CTNNA3: variants seen among roughly 807,000 people sequenced by gnomAD.
CTNNA3 encodes the protein catenin alpha 3.
In CTNNA3, 76 loss-of-function variants were observed where a neutral mutation model predicts 95.7. The ratio of observed to expected loss-of-function variants is 0.79; its 90% confidence interval spans 0.66 to 0.96. CTNNA3 has a LOEUF of 0.96. CTNNA3 is among the 40% of genes least tolerant of loss of function. The pLI, the probability that CTNNA3 is intolerant of heterozygous loss-of-function variation, is 0.00. For missense variants in CTNNA3, 1,191 were observed against 1,089.8 expected (o/e 1.09, Z -1.31); for synonymous variants, 431 against 374.4 (o/e 1.15, Z -1.74).
At chr10:66,983,697 A>C (rs1483072621) in intron 7 of CTNNA3, among the ~76,000 whole-genome samples, 3 of 152,194 alleles carry the variant, frequency 2.0e-5, no homozygotes, top group African/African-American at 7.2e-5. Context: ...AGGCATAGAT[A>C]GTTTAGTCTT....
At chr10:66,655,278 T>A (rs1846036717) in intron 9 of CTNNA3, among the ~76,000 whole-genome samples, 1 of 152,060 alleles carries the variant, frequency 6.6e-6, no homozygotes, top group African/African-American at 2.4e-5. Flanking sequence ...TTTAAAGATA[T>A]TTGCACAATT....
At chr10:67,005,682 C>CTTTTTTTTTTTTTTTTTG (rs1851928857) in intron 7 of CTNNA3, among the ~76,000 whole-genome samples, 1 of 61,976 alleles carries the variant, frequency 1.6e-5, no homozygotes, top group African/African-American at 5.4e-5. Flanking sequence ...TTTACTCCAT[C>CTTTTTTTTTTTTTTTTTG]TTTTTTTTTT....
chr10:67,145,749 G>T (rs1222687017), intron 7 of CTNNA3, among the ~76,000 whole-genome samples: 1 of 151,822 alleles, frequency 6.6e-6, no homozygotes, highest in African/African-American at 2.4e-5. Context: ...TTTTCATACG[G>T]TATCTATTAT....
At chr10:66,840,266 C>T (rs1229548643) in intron 7 of CTNNA3, among the ~76,000 whole-genome samples, 8 of 151,152 alleles carry the variant, frequency 5.3e-5, no homozygotes, top group Admixed American at 2.6e-4. Flanking sequence ...GTCAGGCAGA[C>T]TCTGGCTTAC....
intron 10 of CTNNA3, among the ~76,000 whole-genome samples, chr10:66,568,841 C>A (rs1228969810): frequency 2.6e-5 from 4 of 151,788 alleles, no homozygotes; most frequent in Non-Finnish European, 5.9e-5. Flanking sequence ...ATACATGGGG[C>A]AGAATGACAA....
chr10:66,304,466 AGAAAGAGAAAAAGAG>A (rs879652189), intron 12 of CTNNA3, among the ~76,000 whole-genome samples: 38 of 152,154 alleles, frequency 2.5e-4, no homozygotes, highest in Non-Finnish European at 4.3e-4. Flanking sequence ...ACATAACAGA[AGAAAGAGAAAAAGAG>A]GAAAGAGAAA....
chr10:67,207,709 A>C (rs549961299), intron 6 of CTNNA3, among the ~76,000 whole-genome samples: 14 of 152,332 alleles, frequency 9.2e-5, no homozygotes, highest in Middle Eastern at 3.4e-3. Context: ...CTAGAATCAG[A>C]ACCTTACAAT....
At chr10:67,133,284 C>T (rs984702940) in intron 7 of CTNNA3, among the ~76,000 whole-genome samples, 1 of 116,272 alleles carries the variant, frequency 8.6e-6, no homozygotes, top group Admixed American at 9.3e-5. Context: ...TGTTCTATAG[C>T]CTTAGCTAGA....
intron 9 of CTNNA3, among the ~76,000 whole-genome samples, chr10:66,721,176 C>A (rs370857370): frequency 6.6e-6 from 1 of 152,050 alleles, no homozygotes. Context: ...GATTTCCTCA[C>A]GGAAAGAGAC....
chr10:66,218,411 C>G (rs757154304), intron 13 of CTNNA3, among the ~76,000 whole-genome samples: 20 of 152,108 alleles, frequency 1.3e-4, no homozygotes, highest in Non-Finnish European at 2.6e-4. Flanking sequence ...CTCTCTTTCT[C>G]TCTGTCTGTC....
chr10:66,291,138 T>A (rs796863847), intron 12 of CTNNA3, among the ~76,000 whole-genome samples: 1 of 152,274 alleles, frequency 6.6e-6, no homozygotes, highest in South Asian at 2.1e-4. Flanking sequence ...GTGTGGTATG[T>A]TGAGGCTTGA....
intron 2 of CTNNA3, among the ~76,000 whole-genome samples, chr10:67,640,090 T>C (rs1811528854): frequency 6.6e-6 from 1 of 152,210 alleles, no homozygotes; most frequent in Non-Finnish European, 1.5e-5. Flanking sequence ...GGCATGATTG[T>C]ATATCTAGAA....
chr10:67,647,360 A>G (rs1016408399), intron 2 of CTNNA3, 55 bp downstream of exon 2: 55 of 1,218,518 alleles, frequency 4.5e-5, no homozygotes, highest in Non-Finnish European at 6.0e-5. Flanking sequence ...TTTTTCCCAC[A>G]TATTTTTCAT....
chr10:67,468,377 T>C (rs1429252439), intron 5 of CTNNA3, among the ~76,000 whole-genome samples: 3 of 150,996 alleles, frequency 2.0e-5, no homozygotes, highest in African/African-American at 7.3e-5. Flanking sequence ...AAAAAAAAAA[T>C]GGAAAAGAAA....
At chr10:66,584,576 C>T (rs1159856749) in intron 10 of CTNNA3, among the ~76,000 whole-genome samples, 1 of 151,808 alleles carries the variant, frequency 6.6e-6, no homozygotes, top group East Asian at 1.9e-4. Flanking sequence ...AGAATCTTTA[C>T]ATGTGAGGTA....
intron 5 of CTNNA3, among the ~76,000 whole-genome samples, chr10:67,380,360 T>C (rs1251333630): frequency 6.6e-6 from 1 of 152,222 alleles, no homozygotes; most frequent in East Asian, 1.9e-4. Context: ...TAAAACCTTT[T>C]CATGAAAGAT....
chr10:67,528,416 T>A (rs1840214443), intron 4 of CTNNA3, among the ~76,000 whole-genome samples: 1 of 152,188 alleles, frequency 6.6e-6, no homozygotes, highest in African/African-American at 2.4e-5. Flanking sequence ...ATTAGGTCTA[T>A]GCCTACCTCT....
chr10:66,272,504 C>A (rs2091303656), intron 13 of CTNNA3, among the ~76,000 whole-genome samples: 1 of 152,038 alleles, frequency 6.6e-6, no homozygotes. Flanking sequence ...GAAAAACTGG[C>A]TTGACAGGGA....
intron 5 of CTNNA3, among the ~76,000 whole-genome samples, chr10:67,298,597 A>G (rs1840137944): frequency 6.6e-6 from 1 of 152,264 alleles, no homozygotes; most frequent in Non-Finnish European, 1.5e-5. Context: ...TGGGTATAAA[A>G]GAAACCAAAG....
Sources: allele counts gnomAD v4.1 joint callset (sites outside exome capture counted in the v4.1 genomes callset), GRCh38; gene constraint gnomAD v4.1.1; transcripts MANE v1.5; gene names NCBI Gene and HGNC (gene_info 2026-07-23, HGNC 2026-07-21).